Variants in SPIN1 observed in about 807,000 individuals in gnomAD.
The protein encoded by SPIN1 is spindlin 1, also known as spindlin-1.
In SPIN1, 3 loss-of-function variants were observed where a neutral mutation model predicts 26.0. That is an observed-to-expected ratio of 0.12 (90% CI 0.05 to 0.30). SPIN1 has a LOEUF of 0.30. SPIN1 is among the 10% of genes least tolerant of loss of function. The probability of loss-of-function intolerance (pLI) is 1.00; values close to 1 mark genes in which losing one functional copy is unlikely to be tolerated. For synonymous variants in SPIN1, 101 were observed against 116.5 expected (o/e 0.87, Z 0.86); for missense variants, 126 against 333.4 (o/e 0.38, Z 4.84).
intron 1 of SPIN1, chr9:88,415,467 G>A (rs938368330): frequency 7.9e-5 from 12 of 152,144 alleles, no homozygotes; most frequent in African/African-American, 2.9e-4. Flanking sequence ...CTGTCACCCA[G>A]TGCAGTGATG....
intron 1 of SPIN1, among the ~76,000 whole-genome samples, chr9:88,420,177 A>G (rs939788109): frequency 1.3e-5 from 2 of 152,170 alleles, no homozygotes; most frequent in African/African-American, 4.8e-5. Flanking sequence ...GGAGTTCGAG[A>G]CCAGCCTGAC....
At chr9:88,442,467 GATTTCA>G in intron 2 of SPIN1, among the ~76,000 whole-genome samples, 2 of 150,048 alleles carry the variant, frequency 1.3e-5, no homozygotes, top group Admixed American at 6.7e-5. Context: ...GCAGTGGCCT[GATTTCA>G]GCTCACTGCA....
chr9:88,473,394 A>G, intron 5 of SPIN1, among the ~76,000 whole-genome samples: 1 of 137,236 alleles, frequency 7.3e-6, no homozygotes, highest in South Asian at 2.2e-4. Flanking sequence ...ACTCCGTCTC[A>G]AAAAGAAAAA....
At chr9:88,416,457 G>T (rs1014674280) in intron 1 of SPIN1, among the ~76,000 whole-genome samples, 2 of 151,636 alleles carry the variant, frequency 1.3e-5, no homozygotes, top group Non-Finnish European at 2.9e-5. Flanking sequence ...TCCTGAACTG[G>T]AACTACAGAT....
chr9:88,470,881 A>G (rs566264417), intron 5 of SPIN1, among the ~76,000 whole-genome samples: 18 of 152,346 alleles, frequency 1.2e-4, no homozygotes, highest in Non-Finnish European at 1.9e-4. Context: ...GACATGAGCC[A>G]CCATGCCCGG....
chr9:88,437,648 A>C (rs1828032729), intron 2 of SPIN1, among the ~76,000 whole-genome samples: 1 of 152,212 alleles, frequency 6.6e-6, no homozygotes. Context: ...TTTACTTTGC[A>C]AGAAATTGCC....
intron 1 of SPIN1, among the ~76,000 whole-genome samples, chr9:88,407,704 T>G (rs986893150): frequency 5.3e-5 from 8 of 151,930 alleles, no homozygotes; most frequent in Admixed American, 5.2e-4. Context: ...TCATTTTTTT[T>G]TTTTGTAAGA....
intron 4 of SPIN1, among the ~76,000 whole-genome samples, chr9:88,464,246 T>C (rs950386337): frequency 2.6e-5 from 4 of 152,224 alleles, no homozygotes; most frequent in African/African-American, 7.2e-5. Flanking sequence ...GGTATTAGGT[T>C]GGTGCAAAAG....
chr9:88,401,905 T>TAA (rs1390069244), intron 1 of SPIN1, among the ~76,000 whole-genome samples: 1 of 152,256 alleles, frequency 6.6e-6, no homozygotes, highest in African/African-American at 2.4e-5. Flanking sequence ...TTTTACATCT[T>TAA]TATGGGATGC....
intron 3 of SPIN1, among the ~76,000 whole-genome samples, chr9:88,450,835 C>T (rs1367285108): frequency 2.0e-5 from 3 of 152,104 alleles, no homozygotes; most frequent in Non-Finnish European, 4.4e-5. Flanking sequence ...TCCACATTCA[C>T]GAATGATGAT....
At chr9:88,389,640 C>T (rs1284215942) in intron 1 of SPIN1, among the ~76,000 whole-genome samples, 2 of 152,002 alleles carry the variant, frequency 1.3e-5, no homozygotes, top group Non-Finnish European at 2.9e-5. Context: ...ATTTAAATGT[C>T]TTAAAGGATT....
At chr9:88,421,216 G>A (rs1294632731) in intron 1 of SPIN1, among the ~76,000 whole-genome samples, 1 of 152,096 alleles carries the variant, frequency 6.6e-6, no homozygotes, top group Non-Finnish European at 1.5e-5. Context: ...TCTTTGTTGT[G>A]CTTTTAAAAT....
intron 2 of SPIN1, among the ~76,000 whole-genome samples, chr9:88,439,356 G>A (rs982812944): frequency 6.6e-6 from 1 of 152,196 alleles, no homozygotes; most frequent in African/African-American, 2.4e-5. Flanking sequence ...GGTTGAGCTA[G>A]TGACACCTTT....
Position 88,410,859 on chromosome 9 carries a change from A to G in SPIN1, c.-158-15523A>G, listed in dbSNP as rs141404486. ...CACTGAAACCACCTCCACGACCACC[A>G]CGTTTCCAGAATCACTTAGCTTCTT... On this transcript the variant is annotated intron_variant, in intron 1 of 5. Coordinates refer to ENST00000375859, the MANE Select transcript of SPIN1 (RefSeq NM_006717.3). 1,461 of 922,424 alleles carry G rather than the reference A, an allele frequency of 1.6e-3. 14 individuals carry two copies. The African/African-American group carries it at 0.021, about 13-fold the overall frequency. 57.1% of individuals were successfully genotyped at this position (922,424 alleles called of 1,614,324 possible). A position where few individuals can be genotyped will look rare whatever the true frequency, so the allele number is the denominator to read the frequency against.
intron 3 of SPIN1, among the ~76,000 whole-genome samples, chr9:88,458,653 A>G (rs78821524): frequency 0.017 from 2,655 of 152,272 alleles, 36 homozygotes; most frequent in Non-Finnish European, 0.026. Context: ...AAGGGTAGAA[A>G]ATTTCATGCC....
intron 1 of SPIN1, among the ~76,000 whole-genome samples, chr9:88,421,729 T>G (rs896662304): frequency 6.6e-6 from 1 of 152,024 alleles, no homozygotes; most frequent in African/African-American, 2.4e-5. Flanking sequence ...GACACTGACT[T>G]TTTGAAGAGT....
At chr9:88,398,033 C>T (rs1457517112) in intron 1 of SPIN1, among the ~76,000 whole-genome samples, 1 of 151,206 alleles carries the variant, frequency 6.6e-6, no homozygotes, top group Non-Finnish European at 1.5e-5. Context: ...GGTGATCTTC[C>T]CATCTCAGCC....
At chr9:88,448,229 A>C (rs991711453) in intron 2 of SPIN1, among the ~76,000 whole-genome samples, 12 of 151,954 alleles carry the variant, frequency 7.9e-5, no homozygotes, top group African/African-American at 2.9e-4. Context: ...TTTTTAGGAG[A>C]GACAGGGTTT....
chr9:88,440,137 G>A (rs1274939633), intron 2 of SPIN1, among the ~76,000 whole-genome samples: 2 of 150,478 alleles, frequency 1.3e-5, no homozygotes, highest in African/African-American at 2.4e-5. Context: ...AGCATATCAA[G>A]GATATTTTTT....
Sources: allele counts gnomAD v4.1 joint callset (sites outside exome capture counted in the v4.1 genomes callset), GRCh38; gene constraint gnomAD v4.1.1; transcripts MANE v1.5; gene names NCBI Gene and HGNC (gene_info 2026-07-23, HGNC 2026-07-21).